Variants in PKHD1 observed in about 807,000 individuals in gnomAD.
PKHD1 encodes the protein PKHD1 ciliary IPT domain containing fibrocystin/polyductin.
A neutral mutation model predicts 412.0 loss-of-function variants in PKHD1; 291 were observed. The ratio of observed to expected loss-of-function variants is 0.71; its 90% confidence interval spans 0.64 to 0.78. The LOEUF (loss-of-function observed/expected upper bound fraction) is 0.78. Ranked by LOEUF, PKHD1 falls within the 30% of genes least tolerant of loss-of-function variation. The pLI is 0.00. For missense variants in PKHD1, 4,825 were observed against 4,950.7 expected (o/e 0.97, Z 0.76); for synonymous variants, 1,777 against 1,821.5 (o/e 0.98, Z 0.62).
intron 55 of PKHD1, among the ~76,000 whole-genome samples, chr6:51,768,426 G>T (rs1254588287): frequency 6.6e-6 from 1 of 151,726 alleles, no homozygotes; most frequent in Admixed American, 6.6e-5. Context: ...TTATAGTTTT[G>T]TTTTTATAGG....
At chr6:51,746,283 G>T (rs1252113867) in intron 59 of PKHD1, among the ~76,000 whole-genome samples, 1 of 152,056 alleles carries the variant, frequency 6.6e-6, no homozygotes, top group African/African-American at 2.4e-5. Flanking sequence ...GGCTCCCAAG[G>T]TCTCCTTCTG....
At chr6:51,628,949 T>C (rs1462130554) in intron 65 of PKHD1, among the ~76,000 whole-genome samples, 1 of 151,996 alleles carries the variant, frequency 6.6e-6, no homozygotes, top group East Asian at 1.9e-4. Flanking sequence ...AAGCCAACAA[T>C]AACAAGCAAT....
At position 52,082,492 on chromosome 6, in the gene PKHD1, G is replaced by A. The variant is rs774672838; in HGVS notation, c.181C>T (p.His61Tyr). Residue 61 changes from histidine to tyrosine, a missense_variant, in exon 4 of 67, where the codon CAC becomes TAC. Physicochemically the swap from His to Tyr is moderately conservative, Grantham distance 83. Coordinates refer to ENST00000371117, the MANE Select transcript of PKHD1 (RefSeq NM_138694.4). ...YPNNGSQLEI[H>Y]LVNVNMVVPA... Reference sequence around the variant, plus strand: ...ACCACCATGTTCACGTTCACCAGGTGTATCTCCAATTGAGAGCCATTGTTG... The same window carrying A: ...ACCACCATGTTCACGTTCACCAGGTATATCTCCAATTGAGAGCCATTGTTG... 4 of 1,613,958 alleles carry A rather than the reference G, an allele frequency of 2.5e-6. No homozygotes were observed. In the Admixed American group the frequency reaches 6.7e-5, roughly 27 times the overall value.
chr6:52,066,206 AT>A (rs1157961271), intron 11 of PKHD1, 129 bp from the exon 12 acceptor site: 6 of 608,674 alleles, frequency 9.9e-6, no homozygotes, highest in African/African-American at 5.6e-5. Flanking sequence ...CAACAGTTGA[AT>A]TTTTTTCTAG....
rs562561064 is a variant in PKHD1, at chr6:51,970,248, G to A, written c.5752-10222C>T. Among the ~76,000 whole-genome samples the A allele has an allele frequency of 4.8e-4, 73 of 152,202 alleles. 1 individual carries two copies. Among genetic ancestry groups the A allele is most frequent in the African/African-American group, 1.7e-3 (72 of 41,540 alleles). On this transcript the variant is annotated intron_variant, in intron 35 of 66. Transcript: ENST00000371117. ...CATTTCTGTGTCTTCCTCTAAAAAT[G>A]TCTGTTTGTGTCCTTTGCCTACTTT...
chr6:51,996,135 A>G (rs1797683816), intron 35 of PKHD1, among the ~76,000 whole-genome samples: 1 of 145,524 alleles, frequency 6.9e-6, no homozygotes, highest in Admixed American at 6.9e-5. Context: ...CCTCCCAAGT[A>G]GCTGGGACTA....
intron 39 of PKHD1, among the ~76,000 whole-genome samples, chr6:51,910,376 C>T (rs1487155576): frequency 6.6e-6 from 1 of 152,048 alleles, no homozygotes; most frequent in Non-Finnish European, 1.5e-5. Flanking sequence ...TTTGCTATTA[C>T]CCAGAGAAGA....
intron 11 of PKHD1, among the ~76,000 whole-genome samples, chr6:52,069,205 CTCCTT>C (rs1562277902): frequency 6.6e-6 from 1 of 152,190 alleles, no homozygotes; most frequent in African/African-American, 2.4e-5. Context: ...AGGCAAGACT[CTCCTT>C]TCTTTTATTC....
At chr6:51,747,592 C>T (rs1785372131) in intron 58 of PKHD1, among the ~76,000 whole-genome samples, 195 bp downstream of exon 58, 1 of 152,090 alleles carries the variant, frequency 6.6e-6, no homozygotes, top group African/African-American at 2.4e-5. Context: ...TTGTAGAAAG[C>T]TCTTCAATAT....
intron 39 of PKHD1, among the ~76,000 whole-genome samples, chr6:51,910,721 T>A (rs531436171): frequency 6.6e-6 from 1 of 152,210 alleles, no homozygotes; most frequent in South Asian, 2.1e-4. Context: ...AGAATGTAGA[T>A]CCCAATTCTG....
intron 60 of PKHD1, among the ~76,000 whole-genome samples, chr6:51,681,834 C>T (rs749080804): frequency 7.2e-5 from 11 of 152,080 alleles, no homozygotes; most frequent in Non-Finnish European, 1.6e-4. Context: ...CTTTGCACTA[C>T]AACAGCAGAG....
At chr6:51,990,325 T>C (rs1014179033) in intron 35 of PKHD1, among the ~76,000 whole-genome samples, 1 of 152,200 alleles carries the variant, frequency 6.6e-6, no homozygotes, top group African/African-American at 2.4e-5. Context: ...CATCTTGACT[T>C]GCTACATCTT....
chr6:51,687,744 G>A (rs1777625871), intron 60 of PKHD1, among the ~76,000 whole-genome samples: 1 of 151,980 alleles, frequency 6.6e-6, no homozygotes. Flanking sequence ...GTCATAACAT[G>A]ATGTTCTTGT....
At position 51,939,342 on chromosome 6, in the gene PKHD1, C is replaced by T. The variant is rs1000784655; in HGVS notation, c.5909-5020G>A. On this transcript the variant is annotated intron_variant, in intron 36 of 66. Coordinates refer to ENST00000371117, the MANE Select transcript of PKHD1 (RefSeq NM_138694.4). ...TCCGCTTTTCTAGGGGGCAAGAACC[C>T]GCTGACCCCTTCTCTCCGTGTCTCT... is the stretch of plus-strand genomic sequence containing the variant. 2.0e-4 allele frequency among the ~76,000 whole-genome samples: 31 copies of T among 151,260 alleles called. 1 individual carries two copies. Among genetic ancestry groups the T allele is most frequent in the African/African-American group, 5.3e-4 (22 of 41,272 alleles).
rs1562218293 is a variant in PKHD1, at chr6:51,746,801, C to T, written c.9918G>A (p.Met3306Ile). ...ILPNAENSGI[M>I]HPITAERTRM... is the part of the protein sequence containing the mutation. ...TGGTCCTCTCTGCTGTTATTGGGTG[C>T]ATAATTCCACTGTTCTCTGCATTTG... The change falls in exon 59 of 67, where the codon ATG (methionine) becomes ATA (isoleucine). Residue 3306 changes from methionine to isoleucine, a missense_variant. Physicochemically the swap from Met to Ile is conservative, Grantham distance 10 (BLOSUM62 1). Transcript: ENST00000371117. 1.2e-6 allele frequency: 2 copies of T among 1,610,164 alleles called. No homozygotes were observed. Among genetic ancestry groups the T allele is most frequent in the Non-Finnish European group, 1.7e-6 (2 of 1,176,574 alleles).
chr6:51,938,131 A>G (rs1378460138), intron 36 of PKHD1, among the ~76,000 whole-genome samples: 1 of 13,836 alleles, frequency 7.2e-5, no homozygotes, highest in East Asian at 0.036. Context: ...GAGGTGCCAA[A>G]ATTCTAAGAT....
At chr6:52,061,137 A>T (rs1461672644) in intron 14 of PKHD1, among the ~76,000 whole-genome samples, 1 of 152,186 alleles carries the variant, frequency 6.6e-6, no homozygotes, top group African/African-American at 2.4e-5. Context: ...ACTATGATAA[A>T]TATGAATTAT....
intron 14 of PKHD1, among the ~76,000 whole-genome samples, chr6:52,061,835 A>G (rs893152628): frequency 1.3e-5 from 2 of 152,146 alleles, no homozygotes; most frequent in Non-Finnish European, 2.9e-5. Flanking sequence ...CCATCCTTCA[A>G]CATATACACT....
intron 55 of PKHD1, among the ~76,000 whole-genome samples, chr6:51,761,468 A>T (rs1026854664): frequency 1.3e-5 from 2 of 152,112 alleles, no homozygotes; most frequent in African/African-American, 4.8e-5. Flanking sequence ...AGAAATGTTG[A>T]TAAAAGAATA....
Sources: gnomAD v4.1 joint callset for allele counts (sites outside exome capture counted in the v4.1 genomes callset) on GRCh38, gnomAD v4.1.1 for gene constraint, MANE v1.5 for transcripts, NCBI Gene and HGNC (gene_info 2026-07-23, HGNC 2026-07-21) for gene names.